The following SP140 variants were observed in gnomAD, a reference collection of about 807,000 sequenced individuals.
The protein encoded by SP140 is nuclear body protein SP140.
A neutral mutation model predicts 125.0 loss-of-function variants in SP140; 81 were observed. The ratio of observed to expected loss-of-function variants is 0.65; its 90% CI spans 0.54 to 0.78. SP140 has a LOEUF of 0.78. SP140 is among the 30% of genes least tolerant of loss of function. SP140 has a pLI of 0.00. For missense variants in SP140, 858 were observed against 1,037.0 expected (o/e 0.83, Z 2.37); for synonymous variants, 312 against 354.0 (o/e 0.88, Z 1.33).
chr2:230,286,804 A>AT (rs1575216995), intron 17 of SP140, among the ~76,000 whole-genome samples: 1 of 152,074 alleles, frequency 6.6e-6, no homozygotes, highest in East Asian at 1.9e-4. Context: ...TTCCCAATGA[A>AT]ACTCTCATTT....
rs754871443 is a variant in SP140 at position 230,284,376 on chromosome 2, T to C, written c.1529T>C (p.Met510Thr). 1.0e-5 allele frequency: 16 copies of C among 1,608,018 alleles called. No individual in the cohort carries two copies. In the Admixed American group the frequency reaches 2.0e-4, roughly 20 times the overall value. The part of the protein sequence containing the change: ...RKKRGHGWSR[M>T]RMRRQENSQQ... ...AAGAGGGGGCATGGCTGGAGCAGAA[T>C]GAGAATGAGAAGGCAGGAAAACAGC... Residue 510 changes from methionine to threonine, a missense_variant, in exon 16 of 27, where the codon ATG (methionine) becomes ACG (threonine). Physicochemically the swap from Met to Thr is moderately conservative, Grantham distance 81 (BLOSUM62 -1). Coordinates refer to ENST00000392045, the MANE Select transcript of SP140 (RefSeq NM_007237.5).
At chr2:230,301,752 C>A (rs930320201) in intron 22 of SP140, among the ~76,000 whole-genome samples, 1 of 152,084 alleles carries the variant, frequency 6.6e-6, no homozygotes, top group Non-Finnish European at 1.5e-5. Flanking sequence ...CAGGCAACAG[C>A]TAGCATGATG....
chr2:230,201,456 C>CT (rs1370516911), upstream of SP140, among the ~76,000 whole-genome samples: 2 of 152,166 alleles, frequency 1.3e-5, no homozygotes, highest in Non-Finnish European at 2.9e-5. Context: ...TCACTGCATC[C>CT]TTTATTGCCA....
chr2:230,243,700 G>A (rs1189493003), intron 4 of SP140, 31 bp from the exon 5 acceptor site: 1 of 1,517,552 alleles, frequency 6.6e-7, no homozygotes, highest in South Asian at 1.1e-5. Context: ...CATAAATCAA[G>A]ACATCTAAGG....
intron 15 of SP140, among the ~76,000 whole-genome samples, chr2:230,275,666 G>T (rs1224875008): frequency 6.6e-6 from 1 of 152,128 alleles, no homozygotes; most frequent in Non-Finnish European, 1.5e-5. Context: ...TCAAGTTAAA[G>T]GAAGCGTCAC....
In SP140 at chr2:230,238,312, G is replaced by A. The variant is rs1472237343; in HGVS notation, c.337G>A (p.Ala113Thr). 2 of 1,614,032 alleles carry A rather than the reference G, an allele frequency of 1.2e-6. No individual in the cohort carries two copies. The highest frequency in any genetic ancestry group is 1.7e-6 in the Non-Finnish European group (2 of 1,179,928). Reference protein sequence around the residue: ...EKTFGWSHLEALFSRINLMAY... With the variant: ...EKTFGWSHLETLFSRINLMAY... ...GACATTTGGCTGGTCACATCTGGAA[G>A]CATTGTTCAGCAGGATTAACCTGAT... is the stretch of plus-strand genomic sequence containing the variant. Residue 113 changes from alanine (A) to threonine (T), a missense_variant, in exon 3 of 27, where the codon GCA becomes ACA. By Grantham distance (58) the Ala-to-Thr change is moderately conservative. Coordinates refer to ENST00000392045, the MANE Select transcript of SP140 (RefSeq NM_007237.5).
intron 18 of SP140, 72 bp from the exon 19 acceptor site, chr2:230,290,388 G>A: frequency 1.1e-5 from 15 of 1,355,580 alleles, no homozygotes; most frequent in Non-Finnish European, 1.5e-5. Flanking sequence ...TGTCTTTATA[G>A]GAATTACCTC....
intron 18 of SP140, among the ~76,000 whole-genome samples, chr2:230,288,524 T>TC (rs1575230859): frequency 1.5e-4 from 21 of 139,598 alleles, no homozygotes; most frequent in African/African-American, 2.4e-4. Context: ...TTTCTTTCTT[T>TC]TTTTATTCTT....
At chr2:230,235,011 C>G (rs923639550) in intron 1 of SP140, 4 of 152,218 alleles carry the variant, frequency 2.6e-5, no homozygotes, top group African/African-American at 9.7e-5. Context: ...AAACTTGAAA[C>G]TCCATTTAAT....
intron 22 of SP140, among the ~76,000 whole-genome samples, chr2:230,307,866 A>G (rs1024476675): frequency 6.6e-6 from 1 of 151,490 alleles, no homozygotes; most frequent in African/African-American, 2.4e-5. Flanking sequence ...TTCTGGCAAG[A>G]AAAAGCAATA....
chr2:230,286,720 A>T (rs187870818), intron 17 of SP140, among the ~76,000 whole-genome samples: 1 of 152,306 alleles, frequency 6.6e-6, no homozygotes, highest in African/African-American at 2.4e-5. Context: ...TTCTAAGGTT[A>T]CATATGTGGC....
intron 26 of SP140, 101 bp from the exon 27 acceptor site, chr2:230,312,485 C>CT (rs3086614): frequency 5.4e-3 from 3,606 of 671,802 alleles, no homozygotes; most frequent in East Asian, 0.01. Flanking sequence ...ACTTACAGTA[C>CT]TTTTTTTTTT....
intron 22 of SP140, among the ~76,000 whole-genome samples, chr2:230,299,437 A>T (rs2058079482): frequency 1.3e-5 from 2 of 152,200 alleles, no homozygotes; most frequent in Admixed American, 1.3e-4. Context: ...TTCCCCAAGG[A>T]TCCCTATAAG....
chr2:230,216,426 C>T (rs1356039614), intron 3 of SP140, among the ~76,000 whole-genome samples: 1 of 152,166 alleles, frequency 6.6e-6, no homozygotes, highest in Non-Finnish European at 1.5e-5. Flanking sequence ...CCAACAGCTA[C>T]CAGAAGCTAG....
chr2:230,197,327 T>C, the SP140 span, among the ~76,000 whole-genome samples: 1 of 151,354 alleles, frequency 6.6e-6, no homozygotes, highest in Non-Finnish European at 1.5e-5. Context: ...GTTTTTTGGC[T>C]GCATAAATGT....
intron 13 of SP140, 31 bp from the exon 14 acceptor site, chr2:230,269,805 GA>G: frequency 6.5e-7 from 1 of 1,542,248 alleles, no homozygotes; most frequent in Non-Finnish European, 9.0e-7. Context: ...GGGTCAAACT[GA>G]AAGTCTTCAT....
At chr2:230,261,505 G>A (rs933223823) in intron 12 of SP140, among the ~76,000 whole-genome samples, 15 of 152,104 alleles carry the variant, frequency 9.9e-5, no homozygotes, top group African/African-American at 2.2e-4. Context: ...GAGGAGTGGC[G>A]AGAGTGGGCA....
chr2:230,228,453 C>G (rs1946409), intron 1 of SP140, among the ~76,000 whole-genome samples: 14,146 of 152,146 alleles, frequency 0.093, 908 homozygotes, highest in South Asian at 0.21. Flanking sequence ...GATTTTTCTG[C>G]CTGTGTGATA....
At chr2:230,241,812 G>C (rs1008220260) in intron 4 of SP140, among the ~76,000 whole-genome samples, 1 of 152,158 alleles carries the variant, frequency 6.6e-6, no homozygotes, top group Non-Finnish European at 1.5e-5. Flanking sequence ...TACCCTCCGA[G>C]GTTGAGATAA....
Sources: allele counts gnomAD v4.1 joint callset (sites outside exome capture counted in the v4.1 genomes callset), GRCh38; gene constraint gnomAD v4.1.1; transcripts MANE v1.5; gene names NCBI Gene and HGNC (gene_info 2026-07-23, HGNC 2026-07-21).